The following SLC35E3 variants were observed in gnomAD, a reference collection of about 807,000 sequenced individuals.
SLC35E3 encodes the protein solute carrier family 35 member E3, also known as bladder cancer-overexpressed gene 1 protein.
Under a neutral mutation model 30.8 loss-of-function variants are expected in SLC35E3, and 28 were observed. The ratio of observed to expected loss-of-function variants is 0.91; its 90% CI spans 0.67 to 1.25. The LOEUF (loss-of-function observed/expected upper bound fraction) is 1.25. Ranked by LOEUF, SLC35E3 falls within the 50% of genes most tolerant of loss-of-function variation. SLC35E3 has a pLI of 0.00. For missense variants in SLC35E3, 365 were observed against 375.4 expected (o/e 0.97, Z 0.23); for synonymous variants, 146 against 149.2 (o/e 0.98, Z 0.16).
At chr12:68,759,706 A>G (rs1565716331) in intron 4 of SLC35E3, among the ~76,000 whole-genome samples, 1 of 150,822 alleles carries the variant, frequency 6.6e-6, no homozygotes, top group Non-Finnish European at 1.5e-5. Flanking sequence ...TCTGTCTTAA[A>G]AAAAAAAAAA....
rs57012731 is a variant in SLC35E3 at position 68,766,486 on chromosome 12, CAAAA to C, written c.*1611_*1614del. On this transcript the variant is annotated 3_prime_UTR_variant, in exon 5 of 5. Coordinates refer to ENST00000398004, the MANE Select transcript of SLC35E3 (RefSeq NM_018656.5). ...GGGCAACAAGAGTGAAACTCCATCTCAAAAAAAAAAAAAAAAAATAGCCCTATGT... is the reference window on the plus strand; with the variant it reads ...GGGCAACAAGAGTGAAACTCCATCTCAAAAAAAAAAAAAATAGCCCTATGT... 36 of 83,564 alleles carry C rather than the reference CAAAA, an allele frequency of 4.3e-4. No homozygotes were observed. Among genetic ancestry groups the C allele is most frequent in the Middle Eastern group, 6.3e-3 (1 of 158 alleles). The allele number at this position is 83,564 out of a possible 1,614,324, so 5.2% of individuals were successfully genotyped here.
chr12:68,769,044 C>A lies in SLC35E3; in HGVS notation c.*4154C>A, dbSNP rs1879532235. 1 of 151,672 alleles carries A rather than the reference C, an allele frequency of 6.6e-6. No homozygotes were observed. The highest frequency in any genetic ancestry group is 2.4e-5 in the African/African-American group (1 of 41,244). 9.4% of individuals were successfully genotyped at this position (151,672 alleles called of 1,614,324 possible). On this transcript the variant is annotated 3_prime_UTR_variant, in exon 5 of 5. Coordinates refer to ENST00000398004, the MANE Select transcript of SLC35E3 (RefSeq NM_018656.5). ...ATCACCTGAGGTCAGGAGTTCAAGA[C>A]CAGCCTGGCCAATATGGTGAAACCT...
In SLC35E3 at chr12:68,757,660, A is replaced by T. The variant is rs115669040; in HGVS notation, c.673-1497A>T. Among the ~76,000 whole-genome samples the T allele has an allele frequency of 1.5e-3, 230 of 152,364 alleles. 2 individuals are homozygous for T. The highest frequency in any genetic ancestry group is 4.9e-3 in the African/African-American group (204 of 41,580). On this transcript the variant is annotated intron_variant, in intron 3 of 4. Coordinates refer to ENST00000398004, the MANE Select transcript of SLC35E3 (RefSeq NM_018656.5). ...AAGTGTTATGTAAGTGTAAGCAGTG[A>T]TCATCATGATTTTTATTATGTCCTC...
chr12:68,781,291 C>T lies in SLC35E3; in HGVS notation c.*16401C>T, dbSNP rs1054930096. On this transcript the variant is annotated 3_prime_UTR_variant, in exon 5 of 5. Coordinates refer to ENST00000398004, the MANE Select transcript of SLC35E3 (RefSeq NM_018656.5). ...CACTGGGCAAATTATTCTGAATGTT[C>T]CCATGCTGAAGATTCTCTCAAAAAG... 2.0e-5 allele frequency: 3 copies of T among 152,158 alleles called. No individual in the cohort carries two copies. The highest frequency in any genetic ancestry group is 7.2e-5 in the African/African-American group (3 of 41,448). 9.4% of individuals were successfully genotyped at this position (152,158 alleles called of 1,614,324 possible).
intron 3 of SLC35E3, among the ~76,000 whole-genome samples, chr12:68,758,941 C>T (rs569391309): frequency 6.6e-6 from 1 of 151,936 alleles, no homozygotes; most frequent in Admixed American, 6.6e-5. Context: ...TGGGGTTTCA[C>T]CATGGTCTCG....
rs1410522388 is a variant in SLC35E3, at chr12:68,768,921, A to G, written c.*4031A>G. ...AAAATCTTGCTGTTTTCAACCTATT[A>G]ATGACTTTTTGAAATTGTATTTCAA... On this transcript the variant is annotated 3_prime_UTR_variant, in exon 5 of 5. Transcript: ENST00000398004. 2 of 152,170 alleles carry G rather than the reference A, an allele frequency of 1.3e-5. No individual in the cohort carries two copies. The highest frequency in any genetic ancestry group is 4.8e-5 in the African/African-American group (2 of 41,440). 9.4% of individuals were successfully genotyped at this position (152,170 alleles called of 1,614,324 possible).
In SLC35E3 at chr12:68,769,743, A is replaced by G. The variant is rs1016011661; in HGVS notation, c.*4853A>G. The G allele has an allele frequency of 2.0e-5, 3 of 152,362 alleles. No homozygotes were observed. The highest frequency in any genetic ancestry group is 4.1e-4 in the South Asian group (2 of 4,834). The allele number at this position is 152,362 out of a possible 1,614,324, so 9.4% of individuals were successfully genotyped here. On this transcript the variant is annotated 3_prime_UTR_variant, in exon 5 of 5. Transcript: ENST00000398004. ...TCTGTTCCCAAACTTAAACTGGATT[A>G]TACCTGCTAATATCAGGAATATAAT...
At position 68,765,011 on chromosome 12, in the gene SLC35E3, C is replaced by T. The variant is rs935579785; in HGVS notation, c.*121C>T. 2.3e-6 allele frequency: 2 copies of T among 878,192 alleles called. No individual in the cohort carries two copies. Among genetic ancestry groups the T allele is most frequent in the African/African-American group, 3.4e-5 (2 of 58,698 alleles). 54.4% of individuals were successfully genotyped at this position (878,192 alleles called of 1,614,324 possible). On this transcript the variant is annotated 3_prime_UTR_variant, in exon 5 of 5. Coordinates refer to ENST00000398004, the MANE Select transcript of SLC35E3 (RefSeq NM_018656.5). ...GTGGCTCACGCCTGTAATCCCAGCA[C>T]TTTGGGAGGCCAAGGCCAGCGGATC... is the stretch of plus-strand genomic sequence containing the variant.
chr12:68,749,389 C>T (rs1268705352), intron 2 of SLC35E3, among the ~76,000 whole-genome samples: 2 of 152,222 alleles, frequency 1.3e-5, no homozygotes, highest in African/African-American at 4.8e-5. Context: ...TTCTCTTATA[C>T]TGCTGGAGAC....
In SLC35E3 at chr12:68,767,026, G is replaced by A. The variant is rs1879448437; in HGVS notation, c.*2136G>A. The A allele has an allele frequency of 5.9e-6, 1 of 168,730 alleles. No homozygotes were observed. The highest frequency in any genetic ancestry group is 1.3e-5 in the Non-Finnish European group (1 of 76,842). 10.5% of individuals were successfully genotyped at this position (168,730 alleles called of 1,614,324 possible). On this transcript the variant is annotated 3_prime_UTR_variant, in exon 5 of 5. Transcript: ENST00000398004. ...TACATCCAACCTTTCTAAGGTGGCT[G>A]GGGAAAATTCTTGTACAGCAAGTTG...
Position 68,773,102 on chromosome 12 carries a change from C to T in SLC35E3, c.*8212C>T, listed in dbSNP as rs1879650555. 1.3e-5 allele frequency: 2 copies of T among 152,218 alleles called. No individual in the cohort carries two copies. Among genetic ancestry groups the T allele is most frequent in the South Asian group, 4.1e-4 (2 of 4,836 alleles). The allele number at this position is 152,218 out of a possible 1,614,324, so 9.4% of individuals were successfully genotyped here. A position where few individuals can be genotyped will look rare whatever the true frequency, so the allele number is the denominator to read the frequency against. On this transcript the variant is annotated 3_prime_UTR_variant, in exon 5 of 5. Transcript: ENST00000398004. Reference sequence around the variant, plus strand: ...GTGCTTGGGGCGGTGACCCTTGACCCCATTCCTATTTAAACATCTGGATTC... The same window carrying T: ...GTGCTTGGGGCGGTGACCCTTGACCTCATTCCTATTTAAACATCTGGATTC...
At position 68,766,774 on chromosome 12, in the gene SLC35E3, A is replaced by G; in HGVS notation, c.*1884A>G. On this transcript the variant is annotated 3_prime_UTR_variant, in exon 5 of 5. Transcript: ENST00000398004. Reference sequence around the variant, plus strand: ...TGATTTTTATATTTTTTGTAGAGACAGAGTTTTGCCATGTTGCTCAGGCTG... The same window carrying G: ...TGATTTTTATATTTTTTGTAGAGACGGAGTTTTGCCATGTTGCTCAGGCTG... The G allele has an allele frequency of 2.2e-6, 1 of 450,718 alleles. No homozygotes were observed. The highest frequency in any genetic ancestry group is 4.4e-6 in the Non-Finnish European group (1 of 225,334). 27.9% of individuals were successfully genotyped at this position (450,718 alleles called of 1,614,324 possible). A position where few individuals can be genotyped will look rare whatever the true frequency, so the allele number is the denominator to read the frequency against.
chr12:68,747,703 T>C (rs1406023107), intron 1 of SLC35E3, among the ~76,000 whole-genome samples: 2 of 152,258 alleles, frequency 1.3e-5, no homozygotes, highest in Non-Finnish European at 2.9e-5. Flanking sequence ...TTACCACAAA[T>C]TTAGAATGGA....
In SLC35E3 at chr12:68,769,647, A is replaced by G. The variant is rs1399688219; in HGVS notation, c.*4757A>G. 1 of 152,116 alleles carries G rather than the reference A, an allele frequency of 6.6e-6. No homozygotes were observed. Among genetic ancestry groups the G allele is most frequent in the Non-Finnish European group, 1.5e-5 (1 of 68,026 alleles). 9.4% of individuals were successfully genotyped at this position (152,116 alleles called of 1,614,324 possible). A position where few individuals can be genotyped will look rare whatever the true frequency, so the allele number is the denominator to read the frequency against. ...GCACTGCAGCCTGGGCAACAAGAGC[A>G]AAACTGTCTCAAATAAATAAATAAT... On this transcript the variant is annotated 3_prime_UTR_variant, in exon 5 of 5. Transcript: ENST00000398004.
chr12:68,763,435 G>T lies in SLC35E3; in HGVS notation c.756-1269G>T, dbSNP rs137858167. ...ATGGAGTTTCGCTCTTGTTGCCCAG[G>T]CTGGAGTGCAATGGTGTGATCTCGG... On this transcript the variant is annotated intron_variant, in intron 4 of 4. Coordinates refer to ENST00000398004, the MANE Select transcript of SLC35E3 (RefSeq NM_018656.5). Among the ~76,000 whole-genome samples, 13 of 152,006 alleles carry T rather than the reference G, an allele frequency of 8.6e-5. No homozygotes were observed. The East Asian group carries it at 2.1e-3, about 25-fold the overall frequency.
intron 3 of SLC35E3, among the ~76,000 whole-genome samples, chr12:68,752,810 C>A (rs1878853933): frequency 6.6e-6 from 1 of 151,866 alleles, no homozygotes; most frequent in African/African-American, 2.4e-5. Context: ...CAAGACCAGC[C>A]TGGCCAACAT....
chr12:68,759,316 A>G, intron 4 of SLC35E3, 77 bp downstream of exon 4: 1 of 1,018,936 alleles, frequency 9.8e-7, no homozygotes. Context: ...CCTTATTTGA[A>G]TCTCACACTA....
chr12:68,756,102 T>G (rs574496037), intron 3 of SLC35E3, among the ~76,000 whole-genome samples: 10 of 152,252 alleles, frequency 6.6e-5, no homozygotes, highest in South Asian at 6.2e-4. Context: ...TTATATATTT[T>G]ACCATATACA....
intron 2 of SLC35E3, among the ~76,000 whole-genome samples, chr12:68,748,609 A>G (rs1159477182): frequency 6.6e-6 from 1 of 152,172 alleles, no homozygotes; most frequent in Non-Finnish European, 1.5e-5. Flanking sequence ...TGCCTTGCCT[A>G]TAGCAGATAT....
Sources: allele counts gnomAD v4.1 joint callset (sites outside exome capture counted in the v4.1 genomes callset), GRCh38; gene constraint gnomAD v4.1.1; transcripts MANE v1.5; gene names NCBI Gene and HGNC (gene_info 2026-07-23, HGNC 2026-07-21).